The following RBBP8NL variants were observed in gnomAD, a reference collection of about 807,000 sequenced individuals.
RBBP8NL encodes RBBP8 N-terminal-like protein.
A neutral mutation model predicts 62.2 loss-of-function variants in RBBP8NL; 59 were observed. The ratio of observed to expected loss-of-function variants is 0.95; its 90% CI spans 0.77 to 1.18. RBBP8NL has a LOEUF of 1.18. RBBP8NL is among the 50% of genes most tolerant of loss of function. The probability of loss-of-function intolerance (pLI) is 0.00; values close to 1 mark genes in which losing one functional copy is unlikely to be tolerated. For synonymous variants in RBBP8NL, 412 were observed against 394.1 expected (o/e 1.05, Z -0.54); for missense variants, 896 against 899.5 (o/e 1.00, Z 0.05).
intron 3 of RBBP8NL, among the ~76,000 whole-genome samples, chr20:62,417,906 G>C (rs369507911): frequency 6.9e-4 from 20 of 28,834 alleles, no homozygotes; most frequent in Non-Finnish European, 8.3e-4. Flanking sequence ...GCTCCTCTGT[G>C]ACGTCTGTCC....
chr20:62,413,545 C>A lies in RBBP8NL; in HGVS notation c.1531G>T (p.Asp511Tyr). ...PEQEEASTPMDPSRPLPGSQL... is the reference protein window; with the variant it reads ...PEQEEASTPMYPSRPLPGSQL... The stretch of plus-strand genomic sequence containing the variant: ...GACCCTGGAAGTGGGCGTGAGGGGT[C>A]CTGGGGGGAGGCAAGTAGGTGGCTT... Residue 511 changes from aspartate to tyrosine, a missense_variant and splice_region_variant, in exon 11 of 14, where the codon GAC becomes TAC. Transcript: ENST00000252998. 1 of 1,522,102 alleles carries A rather than the reference C, an allele frequency of 6.6e-7. No homozygotes were observed. Among genetic ancestry groups the A allele is most frequent in the Non-Finnish European group, 8.8e-7 (1 of 1,140,538 alleles). The allele number at this position is 1,522,102 out of a possible 1,614,324, so 94.3% of individuals were successfully genotyped here. A position where few individuals can be genotyped will look rare whatever the true frequency, so the allele number is the denominator to read the frequency against.
At chr20:62,414,988 TG>T in intron 9 of RBBP8NL, 132 bp downstream of exon 9, 2 of 985,912 alleles carry the variant, frequency 2.0e-6, no homozygotes, top group Non-Finnish European at 2.8e-6. Flanking sequence ...TGCTCCAGGC[TG>T]GGTGCCCAGA....
chr20:62,415,184 G>A lies in RBBP8NL; in HGVS notation c.731C>T (p.Pro244Leu), dbSNP rs914944496. The change falls in exon 9 of 14, where the codon CCA (proline) becomes CTA (leucine). Residue 244 changes from proline (P) to leucine (L), a missense_variant. By Grantham distance (98) the Pro-to-Leu change is moderately conservative (BLOSUM62 -3). Coordinates refer to ENST00000252998, the MANE Select transcript of RBBP8NL (RefSeq NM_080833.3). ...TGGGCTGCTCCTGGCGGGCAGTGGT[G>A]GGGGCGTCCCATTGGCGGGGCCTCG... ...ADRGPANGTP[P>L]PLPARSSPPS... 2 of 1,532,282 alleles carry A rather than the reference G, an allele frequency of 1.3e-6. No individual in the cohort carries two copies. The highest frequency in any genetic ancestry group is 1.4e-5 in the African/African-American group (1 of 72,926). 94.9% of individuals were successfully genotyped at this position (1,532,282 alleles called of 1,614,324 possible). A position where few individuals can be genotyped will look rare whatever the true frequency, so the allele number is the denominator to read the frequency against.
intron 1 of RBBP8NL, among the ~76,000 whole-genome samples, chr20:62,424,407 G>A (rs1056783407): frequency 1.3e-5 from 2 of 152,160 alleles, no homozygotes; most frequent in African/African-American, 4.8e-5. Flanking sequence ...CAGAGGTGGC[G>A]TCTTGCCCAC....
intron 1 of RBBP8NL, among the ~76,000 whole-genome samples, chr20:62,423,051 T>TGAC (rs1490171606): frequency 1.3e-5 from 2 of 151,942 alleles, no homozygotes; most frequent in Non-Finnish European, 2.9e-5. Context: ...GGGATGTCTT[T>TGAC]GCTGGTGAAG....
At chr20:62,420,986 T>A (rs541020008) in intron 1 of RBBP8NL, among the ~76,000 whole-genome samples, 2 of 152,352 alleles carry the variant, frequency 1.3e-5, no homozygotes, top group South Asian at 4.1e-4. Context: ...CCTGGAGAGC[T>A]CCCAGGCAGG....
At chr20:62,417,089 C>G in intron 4 of RBBP8NL, 135 bp downstream of exon 4, 1 of 734,458 alleles carries the variant, frequency 1.4e-6, no homozygotes. Context: ...TCTGAGATGT[C>G]CTGCAGTGGG....
intron 4 of RBBP8NL, 100 bp downstream of exon 4, chr20:62,417,124 C>T: frequency 2.2e-6 from 2 of 906,222 alleles, no homozygotes; most frequent in Non-Finnish European, 3.4e-6. Flanking sequence ...TCAGTTTATC[C>T]TGGAGTTTCC....
At chr20:62,417,402 G>T in intron 3 of RBBP8NL, 83 bp from the exon 4 acceptor site, 2 of 1,073,936 alleles carry the variant, frequency 1.9e-6, no homozygotes, top group Non-Finnish European at 2.7e-6. Flanking sequence ...TGGGGGGGCA[G>T]CGCGATTCGG....
intron 4 of RBBP8NL, 97 bp from the exon 5 acceptor site, chr20:62,416,969 C>A: frequency 1.0e-6 from 1 of 964,628 alleles, no homozygotes; most frequent in South Asian, 1.5e-5. Flanking sequence ...TGCCCCTGCC[C>A]TTTGCAAACT....
chr20:62,424,891 C>G lies in RBBP8NL; in HGVS notation c.-84+2569G>C, dbSNP rs188876779. Among the ~76,000 whole-genome samples the G allele has an allele frequency of 2.0e-5, 3 of 152,264 alleles. No individual in the cohort carries two copies. The East Asian group carries it at 5.8e-4, about 29-fold the overall frequency. On this transcript the variant is annotated intron_variant, in intron 1 of 13. Transcript: ENST00000252998. ...CCCAGCAGAGAGGGTGCACCCCCCCCACCCGCTGAGCTGGCTGGGGCGGGG... is the reference window on the plus strand; with the variant it reads ...CCCAGCAGAGAGGGTGCACCCCCCCGACCCGCTGAGCTGGCTGGGGCGGGG...
chr20:62,416,835 G>C lies in RBBP8NL; in HGVS notation c.238C>G (p.Gln80Glu). The C allele has an allele frequency of 6.3e-7, 1 of 1,582,028 alleles. No homozygotes were observed. Among genetic ancestry groups the C allele is most frequent in the Non-Finnish European group, 8.6e-7 (1 of 1,163,786 alleles). ...AGLCDRCMVT[Q>E]ELARKRQQEF... Reference sequence around the variant, plus strand: ...TGCTGCCGCTTCCTGGCCAGCTCCTGGGTGACCATGCAGCGGTCGCACAGG... The same window carrying C: ...TGCTGCCGCTTCCTGGCCAGCTCCTCGGTGACCATGCAGCGGTCGCACAGG... The change falls in exon 5 of 14, where the codon CAG (glutamine) becomes GAG (glutamate). Residue 80 changes from glutamine to glutamate, a missense_variant. By Grantham distance (29) the Gln-to-Glu change is conservative. Transcript: ENST00000252998.
At chr20:62,422,631 T>TGGGGACTGGGGTGGGGAC (rs1569027851) in intron 1 of RBBP8NL, among the ~76,000 whole-genome samples, 2 of 9,058 alleles carry the variant, frequency 2.2e-4, no homozygotes, top group African/African-American at 3.8e-4. Context: ...GGAGTGGGGA[T>TGGGGACTGGGGTGGGGAC]GGGGCCCGGG....
chr20:62,413,419 C>CAGGCGGCTGTGGGTGGGG lies in RBBP8NL; in HGVS notation c.1639_1656dup (p.Pro547_Pro552dup), dbSNP rs754268087. 315 of 1,459,662 alleles carry CAGGCGGCTGTGGGTGGGG rather than the reference C, an allele frequency of 2.2e-4. No individual in the cohort carries two copies. In the African/African-American group the frequency reaches 3.4e-3, roughly 16 times the overall value. 90.4% of individuals were successfully genotyped at this position (1,459,662 alleles called of 1,614,324 possible). ...ACTGTACCTGGGTGGCCGTCCAGGT[C>CAGGCGGCTGTGGGTGGGG]AGGCGGCTGTGGGTGGGGAGGCGGC... On this transcript the variant is annotated inframe_insertion, in exon 11 of 14. Coordinates refer to ENST00000252998, the MANE Select transcript of RBBP8NL (RefSeq NM_080833.3).
chr20:62,416,909 C>T, intron 4 of RBBP8NL, 37 bp from the exon 5 acceptor site: 2 of 1,456,244 alleles, frequency 1.4e-6, no homozygotes, highest in Non-Finnish European at 1.9e-6. Context: ...TGAGGGATGG[C>T]ACGGAAGCCA....
In RBBP8NL at chr20:62,415,215, C is replaced by G; in HGVS notation, c.700G>C (p.Ala234Pro). ...GTCCCATTGGCGGGGCCTCGGTCGG[C>G]AGGGCAAGCCTGGGACCCAGGCCGC... ...VVRPGSQACP[A>P]DRGPANGTPP... Residue 234 changes from alanine (A) to proline (P), a missense_variant, in exon 9 of 14, where the codon GCC becomes CCC. Physicochemically the swap from Ala to Pro is conservative, Grantham distance 27. Coordinates refer to ENST00000252998, the MANE Select transcript of RBBP8NL (RefSeq NM_080833.3). 6.5e-7 allele frequency: 1 copy of G among 1,528,914 alleles called. No homozygotes were observed. Among genetic ancestry groups the G allele is most frequent in the Non-Finnish European group, 8.8e-7 (1 of 1,138,772 alleles). The allele number at this position is 1,528,914 out of a possible 1,614,324, so 94.7% of individuals were successfully genotyped here.
chr20:62,417,133 C>T (rs1601487975), intron 4 of RBBP8NL, 91 bp downstream of exon 4: 1 of 990,052 alleles, frequency 1.0e-6, no homozygotes, highest in Non-Finnish European at 1.5e-6. Flanking sequence ...CCTGGAGTTT[C>T]CCAAACTCAT....
In RBBP8NL at chr20:62,413,998, C is replaced by A; in HGVS notation, c.1353G>T (p.Arg451=). ...CGGCCGGCTTGGGAGTGTCCTGGCC[C>A]CGGGCCCGGCCCCACTCCGAGAGGT... ...PLDLSEWGRA[R]GQDTPKPAGQ... The change falls in exon 10 of 14, where the codon CGG becomes CGT. Residue 451 remains arginine, a synonymous_variant. Coordinates refer to ENST00000252998, the MANE Select transcript of RBBP8NL (RefSeq NM_080833.3). 1 of 1,569,604 alleles carries A rather than the reference C, an allele frequency of 6.4e-7. No individual in the cohort carries two copies. Among genetic ancestry groups the A allele is most frequent in the East Asian group, 2.4e-5 (1 of 42,516 alleles).
intron 13 of RBBP8NL, 23 bp downstream of exon 13, chr20:62,412,601 C>T (rs751408982): frequency 1.3e-6 from 2 of 1,599,870 alleles, no homozygotes; most frequent in South Asian, 1.1e-5. Context: ...CCCTTCCCTG[C>T]ACCTGCCCCA....
Sources: gnomAD v4.1 joint callset for allele counts (sites outside exome capture counted in the v4.1 genomes callset) on GRCh38, gnomAD v4.1.1 for gene constraint, MANE v1.5 for transcripts, NCBI Gene and HGNC (gene_info 2026-07-23, HGNC 2026-07-21) for gene names.